The following DDX10 variants were observed in gnomAD, a reference collection of about 807,000 sequenced individuals.
DDX10 encodes the protein probable ATP-dependent RNA helicase DDX10.
DDX10 carries 74 observed loss-of-function variants against 104.3 expected under a neutral mutation model. That is an observed-to-expected ratio of 0.71 (90% CI 0.59 to 0.86). The LOEUF (loss-of-function observed/expected upper bound fraction) is 0.86. DDX10 is among the 40% of genes least tolerant of loss of function. The pLI is 0.00. For missense variants in DDX10, 952 were observed against 1,040.0 expected (o/e 0.92, Z 1.16); for synonymous variants, 351 against 353.4 (o/e 0.99, Z 0.08).
chr11:108,816,622 G>A (rs1158583077), intron 13 of DDX10, among the ~76,000 whole-genome samples: 1 of 149,256 alleles, frequency 6.7e-6, no homozygotes, highest in South Asian at 2.1e-4. Context: ...GCACGATCTT[G>A]GCTCACTGCA....
intron 16 of DDX10, among the ~76,000 whole-genome samples, chr11:108,871,979 G>A (rs551716864): frequency 5.3e-5 from 8 of 152,118 alleles, no homozygotes; most frequent in East Asian, 1.9e-4. Flanking sequence ...CCTTGTTTAT[G>A]TATAAAGGAG....
At chr11:108,869,938 A>G (rs1863057908) in intron 16 of DDX10, among the ~76,000 whole-genome samples, 1 of 145,896 alleles carries the variant, frequency 6.9e-6, no homozygotes, top group African/African-American at 2.4e-5. Flanking sequence ...AGTAAATCCT[A>G]TTTGACTTTA....
At chr11:108,737,979 A>G (rs999459529) in intron 13 of DDX10, among the ~76,000 whole-genome samples, 1 of 152,148 alleles carries the variant, frequency 6.6e-6, no homozygotes, top group African/African-American at 2.4e-5. Context: ...CCTTGCTGTG[A>G]TACCTAATTT....
chr11:108,881,233 G>A (rs906311123), intron 16 of DDX10, among the ~76,000 whole-genome samples: 1 of 152,096 alleles, frequency 6.6e-6, no homozygotes, highest in Non-Finnish European at 1.5e-5. Context: ...TGGGGAGGCT[G>A]TTAAGTTTTA....
intron 13 of DDX10, among the ~76,000 whole-genome samples, chr11:108,800,231 C>T (rs1862000295): frequency 7.0e-6 from 1 of 142,562 alleles, no homozygotes; most frequent in Non-Finnish European, 1.5e-5. Flanking sequence ...ATCACGAGGT[C>T]AGGAGATTGA....
intron 16 of DDX10, among the ~76,000 whole-genome samples, chr11:108,897,997 G>T (rs1272790707): frequency 2.6e-5 from 4 of 152,030 alleles, no homozygotes; most frequent in African/African-American, 9.7e-5. Flanking sequence ...CCTAGAGAGG[G>T]TATAGAAGAG....
intron 13 of DDX10, among the ~76,000 whole-genome samples, chr11:108,790,255 G>T (rs1861852326): frequency 6.6e-6 from 1 of 152,036 alleles, no homozygotes; most frequent in South Asian, 2.1e-4. Context: ...ACTTAAAAAA[G>T]AACTATGTAA....
intron 13 of DDX10, among the ~76,000 whole-genome samples, chr11:108,799,175 C>T (rs983232330): frequency 6.6e-6 from 1 of 152,190 alleles, no homozygotes; most frequent in Non-Finnish European, 1.5e-5. Context: ...GATCACTTCA[C>T]ATCTACAAAG....
chr11:108,749,249 G>A (rs1232054972), intron 13 of DDX10, among the ~76,000 whole-genome samples: 1 of 152,078 alleles, frequency 6.6e-6, no homozygotes, highest in African/African-American at 2.4e-5. Flanking sequence ...CTAGAGTGGT[G>A]ATAGAAATAA....
intron 13 of DDX10, among the ~76,000 whole-genome samples, chr11:108,791,369 A>G (rs903145316): frequency 6.6e-6 from 1 of 152,236 alleles, no homozygotes; most frequent in Non-Finnish European, 1.5e-5. Flanking sequence ...TCCTGCCTAC[A>G]TTAGAAAGTC....
At chr11:108,669,938 C>T (rs992529391) in intron 1 of DDX10, among the ~76,000 whole-genome samples, 1 of 152,190 alleles carries the variant, frequency 6.6e-6, no homozygotes, top group Admixed American at 6.5e-5. Context: ...CAGAAAATAA[C>T]GCAGCCCTGC....
chr11:108,834,284 A>G (rs987035887), intron 13 of DDX10, among the ~76,000 whole-genome samples: 1 of 151,816 alleles, frequency 6.6e-6, no homozygotes, highest in Non-Finnish European at 1.5e-5. Context: ...TTATCACATA[A>G]CTATCCATCT....
chr11:108,706,669 G>A, intron 9 of DDX10, 70 bp from the exon 10 acceptor site: 8 of 1,181,024 alleles, frequency 6.8e-6, no homozygotes, highest in Non-Finnish European at 1.0e-5. Context: ...GTTTACCTAT[G>A]CATCACTCTG....
chr11:108,736,498 TG>T (rs1465394874), intron 13 of DDX10, among the ~76,000 whole-genome samples: 1 of 152,178 alleles, frequency 6.6e-6, no homozygotes, highest in African/African-American at 2.4e-5. Flanking sequence ...TTTTTGGTAT[TG>T]GGCTCTGTTA....
intron 10 of DDX10, among the ~76,000 whole-genome samples, chr11:108,709,220 A>T (rs10890888): frequency 6.6e-6 from 1 of 151,938 alleles, no homozygotes; most frequent in Non-Finnish European, 1.5e-5. Flanking sequence ...TATTAGCAGT[A>T]GGTTTTTTGT....
At chr11:108,735,749 A>G (rs1368382011) in intron 13 of DDX10, among the ~76,000 whole-genome samples, 6 of 151,964 alleles carry the variant, frequency 3.9e-5, no homozygotes, top group Non-Finnish European at 8.8e-5. Flanking sequence ...TTCTCTGAGC[A>G]TATGTGTAAG....
intron 16 of DDX10, among the ~76,000 whole-genome samples, chr11:108,858,536 A>G (rs1013932502): frequency 3.9e-5 from 6 of 152,200 alleles, no homozygotes; most frequent in Admixed American, 2.6e-4. Flanking sequence ...GGATGTATCT[A>G]ACACACTCAG....
At chr11:108,789,107 C>T (rs963776772) in intron 13 of DDX10, among the ~76,000 whole-genome samples, 5 of 152,188 alleles carry the variant, frequency 3.3e-5, no homozygotes, top group African/African-American at 1.2e-4. Context: ...GTCCTCATTC[C>T]TTTGAGACCA....
chr11:108,672,785 A>C (rs1456543635), intron 1 of DDX10, among the ~76,000 whole-genome samples: 5 of 152,250 alleles, frequency 3.3e-5, no homozygotes, highest in African/African-American at 7.2e-5. Context: ...AGCTGAAATG[A>C]AATTCAGAAA....
Sources: allele counts gnomAD v4.1 joint callset (sites outside exome capture counted in the v4.1 genomes callset), GRCh38; gene constraint gnomAD v4.1.1; transcripts MANE v1.5; gene names NCBI Gene and HGNC (gene_info 2026-07-23, HGNC 2026-07-21).